The following ACVR2A variants were observed in gnomAD, a reference collection of about 807,000 sequenced individuals.
ACVR2A encodes activin A receptor type 2A, also known as activin receptor type-2A.
ACVR2A carries 7 observed loss-of-function variants against 61.4 expected under a neutral mutation model. The ratio of observed to expected loss-of-function variants is 0.11; its 90% confidence interval spans 0.06 to 0.21. The LOEUF (loss-of-function observed/expected upper bound fraction) is 0.21, where lower values mean the gene tolerates loss of function less well. Among genes scored for constraint, ACVR2A ranks in the 10% least tolerant of loss-of-function variants. The probability of loss-of-function intolerance (pLI) is 1.00; values close to 1 mark genes in which losing one functional copy is unlikely to be tolerated. For synonymous variants in ACVR2A, 193 were observed against 208.3 expected (o/e 0.93, Z 0.63); for missense variants, 322 against 621.7 (o/e 0.52, Z 5.13).
chr2:147,905,450 G>T (rs980285990), intron 4 of ACVR2A, among the ~76,000 whole-genome samples: 1 of 151,648 alleles, frequency 6.6e-6, no homozygotes, highest in Non-Finnish European at 1.5e-5. Context: ...GTTTGTATTA[G>T]GTTTCTGCAA....
intron 5 of ACVR2A, among the ~76,000 whole-genome samples, chr2:147,916,529 T>C (rs965164458): frequency 1.4e-4 from 22 of 151,880 alleles, no homozygotes; most frequent in African/African-American, 5.3e-4. Flanking sequence ...TACAATGCCT[T>C]TTCTACTTAA....
At chr2:147,845,246 C>CGGCCGCGGCGGCCGCTGCTGGG (rs766117444) in intron 1 of ACVR2A, 39 bp downstream of exon 1, 26 of 1,584,430 alleles carry the variant, frequency 1.6e-5, no homozygotes, top group Admixed American at 5.1e-5. Flanking sequence ...GCTGCTCCTG[C>CGGCCGCGGCGGCCGCTGCTGGG]GGCCGCGGCG....
At chr2:147,866,592 T>G (rs917172149) in intron 1 of ACVR2A, among the ~76,000 whole-genome samples, 3 of 152,054 alleles carry the variant, frequency 2.0e-5, no homozygotes, top group Non-Finnish European at 4.4e-5. Flanking sequence ...AAGGCATATA[T>G]GGGGGATGGA....
intron 1 of ACVR2A, among the ~76,000 whole-genome samples, chr2:147,866,009 G>C (rs2105150635): frequency 6.6e-6 from 1 of 152,252 alleles, no homozygotes; most frequent in East Asian, 1.9e-4. Context: ...CTGGTGAGTT[G>C]CTCCCTGGTG....
intron 4 of ACVR2A, among the ~76,000 whole-genome samples, chr2:147,903,880 A>G (rs1472837568): frequency 6.6e-6 from 1 of 151,990 alleles, no homozygotes. Flanking sequence ...TTTGTATGGA[A>G]TAATCATTCA....
intron 1 of ACVR2A, among the ~76,000 whole-genome samples, chr2:147,878,444 CT>C (rs199940101): frequency 3.5e-4 from 51 of 145,036 alleles, no homozygotes; most frequent in Admixed American, 3.5e-4. Flanking sequence ...AAGACTTTTA[CT>C]TTTTTTTTTT....
chr2:147,891,994 C>G (rs1300036685), intron 1 of ACVR2A, among the ~76,000 whole-genome samples: 5 of 151,622 alleles, frequency 3.3e-5, no homozygotes, highest in Non-Finnish European at 7.4e-5. Flanking sequence ...TTTTTTGAGA[C>G]AGAGTCTCTT....
chr2:147,846,224 A>C (rs1001140612), intron 1 of ACVR2A, among the ~76,000 whole-genome samples: 17 of 151,896 alleles, frequency 1.1e-4, no homozygotes, highest in Non-Finnish European at 2.9e-5. Context: ...CATTGGATCT[A>C]TTTATTGTAA....
chr2:147,848,738 T>C (rs1685378781), intron 1 of ACVR2A, among the ~76,000 whole-genome samples: 2 of 152,066 alleles, frequency 1.3e-5, no homozygotes, highest in Admixed American at 1.3e-4. Flanking sequence ...AATGAAGTAA[T>C]CTGCACAGCA....
intron 1 of ACVR2A, among the ~76,000 whole-genome samples, chr2:147,865,765 A>G (rs1401272177): frequency 1.3e-5 from 2 of 152,324 alleles, no homozygotes; most frequent in African/African-American, 4.8e-5. Context: ...AATAAGACAC[A>G]ATCTTTACCC....
intron 1 of ACVR2A, among the ~76,000 whole-genome samples, chr2:147,860,867 C>T (rs1177058229): frequency 6.6e-6 from 1 of 152,208 alleles, no homozygotes; most frequent in Non-Finnish European, 1.5e-5. Flanking sequence ...TAGCCCATCA[C>T]TTGCCCCTAC....
chr2:147,861,477 T>C (rs1441606927), intron 1 of ACVR2A, among the ~76,000 whole-genome samples: 1 of 152,174 alleles, frequency 6.6e-6, no homozygotes, highest in Non-Finnish European at 1.5e-5. Context: ...AAGTGTAAAG[T>C]AGCATGTCAT....
At chr2:147,920,199 A>C in intron 7 of ACVR2A, 31 bp from the exon 8 acceptor site, 1 of 1,506,384 alleles carries the variant, frequency 6.6e-7, no homozygotes, top group Non-Finnish European at 9.2e-7. Context: ...ACTAGTTTAA[A>C]CTTAATTTGA....
rs1289533816 is a variant in ACVR2A, at chr2:147,899,484, G to A, written c.290G>A (p.Ser97Asn). 1 of 1,612,672 alleles carries A rather than the reference G, an allele frequency of 6.2e-7. No homozygotes were observed. Among genetic ancestry groups the A allele is most frequent in the East Asian group, 2.2e-5 (1 of 44,832 alleles). ...DRTDCVEKKDSPEVYFCCCEG... is the reference protein window; with the variant it reads ...DRTDCVEKKDNPEVYFCCCEG... ...ACTGATTGTGTAGAAAAAAAAGACA[G>A]CCCTGAAGTATATTTTTGTTGCTGT... The change falls in exon 3 of 11, where the codon AGC (serine) becomes AAC (asparagine). Residue 97 changes from serine to asparagine, a missense_variant. Physicochemically the swap from Ser to Asn is conservative, Grantham distance 46. Transcript: ENST00000241416.
intron 1 of ACVR2A, among the ~76,000 whole-genome samples, chr2:147,851,140 A>G (rs1341427380): frequency 6.6e-6 from 1 of 152,146 alleles, no homozygotes; most frequent in African/African-American, 2.4e-5. Flanking sequence ...TTATTAAAAA[A>G]TAAATCTGAA....
chr2:147,911,983 G>A (rs191848458), intron 4 of ACVR2A, among the ~76,000 whole-genome samples: 1 of 151,956 alleles, frequency 6.6e-6, no homozygotes, highest in African/African-American at 2.4e-5. Context: ...GATATTTTTA[G>A]ATAGCTTCAT....
chr2:147,917,222 A>C lies in ACVR2A; in HGVS notation c.673-61A>C, dbSNP rs1687266578. 3 of 1,529,192 alleles carry C rather than the reference A, an allele frequency of 2.0e-6. No individual in the cohort carries two copies. The East Asian group carries it at 7.0e-5, about 36-fold the overall frequency. 94.7% of individuals were successfully genotyped at this position (1,529,192 alleles called of 1,614,324 possible). On this transcript the variant is annotated intron_variant, in intron 5 of 10. Transcript: ENST00000241416. ...TTGGAACTTATTTGAGTAATCTCTT[A>C]TGCATGGTTTATTAAACCTGTATTC...
chr2:147,878,760 A>G (rs1337636184), intron 1 of ACVR2A, among the ~76,000 whole-genome samples: 21 of 152,090 alleles, frequency 1.4e-4, no homozygotes, highest in Admixed American at 1.4e-3. Context: ...AAATACAAAA[A>G]AAAGCCGGTG....
Position 147,871,108 on chromosome 2 carries a change from A to G in ACVR2A, c.56-25193A>G, listed in dbSNP as rs184171348. Among the ~76,000 whole-genome samples, 283 of 152,174 alleles carry G rather than the reference A, an allele frequency of 1.9e-3. 1 individual carries two copies. The highest frequency in any genetic ancestry group is 0.01 in the Middle Eastern group (3 of 294). On this transcript the variant is annotated intron_variant, in intron 1 of 10. Transcript: ENST00000241416. ...CCATAATGTTTTGCATATACTGAGC[A>G]TTTAGATACGGTTATTGTTACAAGC...
Sources: allele counts gnomAD v4.1 joint callset (sites outside exome capture counted in the v4.1 genomes callset), GRCh38; gene constraint gnomAD v4.1.1; transcripts MANE v1.5; gene names NCBI Gene and HGNC (gene_info 2026-07-23, HGNC 2026-07-21).